SPEG: variants seen among roughly 807,000 people sequenced by gnomAD.
The protein encoded by SPEG is striated muscle enriched protein kinase.
In SPEG, 114 loss-of-function variants were observed where a neutral mutation model predicts 300.4. The observed-to-expected ratio is 0.38, with a 90% CI of 0.33 to 0.44. SPEG has a LOEUF of 0.44. SPEG is among the 20% of genes least tolerant of loss of function. The probability of loss-of-function intolerance (pLI) is 1.00; values close to 1 mark genes in which losing one functional copy is unlikely to be tolerated. For synonymous variants in SPEG, 1,964 were observed against 2,018.9 expected (o/e 0.97, Z 0.73); for missense variants, 4,201 against 4,586.2 (o/e 0.92, Z 2.43).
At position 219,467,379 on chromosome 2, in the gene SPEG, A is replaced by G. The variant is rs1450825809; in HGVS notation, c.3087A>G (p.Thr1029=). 5 of 1,612,258 alleles carry G rather than the reference A, an allele frequency of 3.1e-6. No individual in the cohort carries two copies. The highest frequency in any genetic ancestry group is 3.4e-6 in the Non-Finnish European group (4 of 1,179,936). Residue 1029 remains threonine, a synonymous_variant, in exon 10 of 41, where the codon ACA becomes ACG. Coordinates refer to ENST00000312358, the MANE Select transcript of SPEG (RefSeq NM_005876.5). ...FDGRKCKLLL[T]SVHEDDSGVY... is the part of the protein sequence containing the mutation. The stretch of plus-strand genomic sequence containing the variant: ...GCCGCAAATGCAAGCTGCTACTTAC[A>G]TCTGTACATGAGGACGACAGTGGCG...
In SPEG at chr2:219,451,102, T is replaced by C; in HGVS notation, c.2114-34T>C. 1 of 1,578,690 alleles carries C rather than the reference T, an allele frequency of 6.3e-7. No individual in the cohort carries two copies. Among genetic ancestry groups the C allele is most frequent in the Non-Finnish European group, 8.6e-7 (1 of 1,163,906 alleles). Reference sequence around the variant, plus strand: ...CCCGCTGTCATCCCTGCAGGGATCATGGCCCCTTACCCCGTTATTCCTGTG... The same window carrying C: ...CCCGCTGTCATCCCTGCAGGGATCACGGCCCCTTACCCCGTTATTCCTGTG... On this transcript the variant is annotated intron_variant, in intron 4 of 40. Transcript: ENST00000312358. The surrounding 1 kb of genome is among the most constrained non-coding windows in gnomAD (Gnocchi z 6.4).
rs749692995 is a variant in SPEG at position 219,451,849 on chromosome 2, G to A, written c.2440+42G>A. The A allele has an allele frequency of 1.3e-5, 19 of 1,485,472 alleles. No homozygotes were observed. The East Asian group carries it at 1.8e-4, about 14-fold the overall frequency. 92.0% of individuals were successfully genotyped at this position (1,485,472 alleles called of 1,614,324 possible). ...CCCTGGGGCTGGGTGGGGGCAAGCC[G>A]TGACTCTCCCCTGGCCCAGGCCCCA... On this transcript the variant is annotated intron_variant, in intron 6 of 40. Transcript: ENST00000312358. This position sits in a 1 kb window ranked among gnomAD's most constrained non-coding sequence, Gnocchi z 6.4.
Position 219,468,700 on chromosome 2 carries a change from G to C in SPEG, c.3265G>C (p.Gly1089Arg), listed in dbSNP as rs1005703610. ...RAARFDCKISGTPPPVVTWTH... is the reference protein window; with the variant it reads ...RAARFDCKISRTPPPVVTWTH... ...TGCCCGTTTCGACTGCAAGATCAGT[G>C]GCACCCCGCCCCCTGTTGTTACCTG... Residue 1089 changes from glycine to arginine, a missense_variant, in exon 11 of 41, where the codon GGC becomes CGC. Physicochemically the swap from Gly to Arg is moderately radical, Grantham distance 125. Coordinates refer to ENST00000312358, the MANE Select transcript of SPEG (RefSeq NM_005876.5). The C allele has an allele frequency of 6.2e-7, 1 of 1,614,006 alleles. No homozygotes were observed. Among genetic ancestry groups the C allele is most frequent in the Non-Finnish European group, 8.5e-7 (1 of 1,180,004 alleles).
Position 219,477,120 on chromosome 2 carries a change from G to A in SPEG, c.4560+138G>A. The A allele has an allele frequency of 1.0e-6, 1 of 996,564 alleles. No individual in the cohort carries two copies. Among genetic ancestry groups the A allele is most frequent in the Non-Finnish European group, 1.5e-6 (1 of 686,528 alleles). 61.7% of individuals were successfully genotyped at this position (996,564 alleles called of 1,614,324 possible). ...AGGAGGAAAGGGGCTGCAGAGGACTGACTAGCTGAGGGGTGCAGGGCTTTC... is the reference window on the plus strand; with the variant it reads ...AGGAGGAAAGGGGCTGCAGAGGACTAACTAGCTGAGGGGTGCAGGGCTTTC... On this transcript the variant is annotated intron_variant, in intron 19 of 40. Transcript: ENST00000312358. The surrounding 1 kb of genome is among the most constrained non-coding windows in gnomAD (Gnocchi z 6.4).
At position 219,469,198 on chromosome 2, in the gene SPEG, G is replaced by T; in HGVS notation, c.3534G>T (p.Glu1178Asp). 2 of 1,613,694 alleles carry T rather than the reference G, an allele frequency of 1.2e-6. No individual in the cohort carries two copies. The highest frequency in any genetic ancestry group is 1.7e-6 in the Non-Finnish European group (2 of 1,179,790). Residue 1178 changes from glutamate to aspartate, a missense_variant, in exon 13 of 41, where the codon GAG becomes GAT. By Grantham distance (45) the Glu-to-Asp change is conservative. Coordinates refer to ENST00000312358, the MANE Select transcript of SPEG (RefSeq NM_005876.5). ...EKMPSIPEEP[E>D]QGELERLSIP... ...TGCCATCCATTCCCGAGGAGCCAGAGCAGGGTGAGCTGGAGCGGCTGTCCA... is the reference window on the plus strand; with the variant it reads ...TGCCATCCATTCCCGAGGAGCCAGATCAGGGTGAGCTGGAGCGGCTGTCCA...
chr2:219,464,121 T>TAA lies in SPEG; in HGVS notation c.2706-297_2706-296dup, dbSNP rs113435783. Among the ~76,000 whole-genome samples, 29 of 130,422 alleles carry TAA rather than the reference T, an allele frequency of 2.2e-4. No individual in the cohort carries two copies. The highest frequency in any genetic ancestry group is 7.8e-4 in the African/African-American group (28 of 35,766). The allele number at this position is 130,422 out of a possible 152,430, so 85.6% of individuals were successfully genotyped here. ...CTGGGTGACAGAGGGAAACCCTGTT[T>TAA]AAAAAAAAAAAAAAAAGACAAGAAA... On this transcript the variant is annotated intron_variant, in intron 8 of 40. Coordinates refer to ENST00000312358, the MANE Select transcript of SPEG (RefSeq NM_005876.5). This position sits in a 1 kb window ranked among gnomAD's most constrained non-coding sequence, Gnocchi z 4.5.
At chr2:219,471,726 G>T in intron 13 of SPEG, 142 bp from the exon 14 acceptor site, 1 of 1,001,630 alleles carries the variant, frequency 1.0e-6, no homozygotes, top group South Asian at 1.6e-5. Context: ...CTTGCTGCCT[G>T]CCCCATCCTT....
chr2:219,437,488 GCT>G (rs1954749052), intron 1 of SPEG, among the ~76,000 whole-genome samples: 1 of 152,216 alleles, frequency 6.6e-6, no homozygotes, highest in Non-Finnish European at 1.5e-5. Flanking sequence ...GGCTTGAGAG[GCT>G]TGGGGTAAGA....
At position 219,444,577 on chromosome 2, in the gene SPEG, G is replaced by C; in HGVS notation, c.389-76G>C. On this transcript the variant is annotated intron_variant, in intron 1 of 40. Transcript: ENST00000312358. This position sits in a 1 kb window ranked among gnomAD's most constrained non-coding sequence, Gnocchi z 7.8. ...ATAAGATGGAGCCTGCTGTTGGCAG[G>C]GAGGCAGAAGGCAATAGGGAAGAGT... 7.9e-7 allele frequency: 1 copy of C among 1,260,126 alleles called. No individual in the cohort carries two copies. Among genetic ancestry groups the C allele is most frequent in the Non-Finnish European group, 1.2e-6 (1 of 866,316 alleles). The allele number at this position is 1,260,126 out of a possible 1,614,324, so 78.1% of individuals were successfully genotyped here.
At chr2:219,438,345 C>T (rs1224793146) in intron 1 of SPEG, among the ~76,000 whole-genome samples, 1 of 152,100 alleles carries the variant, frequency 6.6e-6, no homozygotes, top group African/African-American at 2.4e-5. Flanking sequence ...ACCTAAGTTC[C>T]CATGGCTAGT....
intron 29 of SPEG, 50 bp downstream of exon 29, chr2:219,482,902 A>G (rs774060211): frequency 6.4e-7 from 1 of 1,573,290 alleles, no homozygotes; most frequent in East Asian, 2.2e-5. Flanking sequence ...CCTTTTCTCT[A>G]GCACTGCCTT....
At chr2:219,486,998 C>A (rs557015522) in intron 31 of SPEG, among the ~76,000 whole-genome samples, 2 of 152,210 alleles carry the variant, frequency 1.3e-5, no homozygotes, top group South Asian at 4.1e-4. Flanking sequence ...CCTGGCTCAT[C>A]CCCACTCCCA....
chr2:219,458,404 T>G lies in SPEG; in HGVS notation c.2441-3478T>G, dbSNP rs1211704233. Among the ~76,000 whole-genome samples, 2 of 152,036 alleles carry G rather than the reference T, an allele frequency of 1.3e-5. No individual in the cohort carries two copies. Among genetic ancestry groups the G allele is most frequent in the Non-Finnish European group, 2.9e-5 (2 of 68,006 alleles). On this transcript the variant is annotated intron_variant, in intron 6 of 40. Transcript: ENST00000312358. The surrounding 1 kb of genome is among the most constrained non-coding windows in gnomAD (Gnocchi z 4.2). ...TGTTAGAAATGCAGTTTCTTTTTTT[T>G]TTTTTCCCAATAAGCGTTTTGCACT...
rs147228436 is a variant in SPEG at position 219,489,218 on chromosome 2, C to G, written c.8314C>G (p.Gln2772Glu). 1.0e-4 allele frequency: 162 copies of G among 1,613,854 alleles called. No individual in the cohort carries two copies. Among genetic ancestry groups the G allele is most frequent in the Middle Eastern group, 9.9e-4 (6 of 6,058 alleles). ...TGAGAAGGTCTTTGTCAGGGGTACT[C>G]AAGGTCAGTGCAATGGTATGGGGTG... The part of the protein sequence containing the change: ...SSEKVFVRGT[Q>E]DSSAVPSAAH... The change falls in exon 35 of 41, where the codon CAA becomes GAA. Residue 2772 changes from glutamine (Q) to glutamate (E), a missense_variant. By Grantham distance (29) the Gln-to-Glu change is conservative (BLOSUM62 2). This residue lies in a region of SPEG where 1,578 missense variants were observed against 1,506.0 expected (regional missense o/e 1.05). Transcript: ENST00000312358.
intron 15 of SPEG, among the ~76,000 whole-genome samples, chr2:219,472,616 C>A (rs549205273): frequency 6.6e-6 from 1 of 152,286 alleles, no homozygotes; most frequent in South Asian, 2.1e-4. Context: ...CCAGGATCTC[C>A]TCCCGCTCTG....
Position 219,477,570 on chromosome 2 carries a change from G to C in SPEG, c.4730-119G>C, listed in dbSNP as rs192417796. 7.4e-7 allele frequency: 1 copy of C among 1,355,906 alleles called. No homozygotes were observed. The highest frequency in any genetic ancestry group is 1.0e-6 in the Non-Finnish European group (1 of 999,542). The allele number at this position is 1,355,906 out of a possible 1,614,324, so 84.0% of individuals were successfully genotyped here. ...CACCACACCCCCAGCCCAGCACCCC[G>C]CCTTGAGCCCCCAACATTCTTGCAC... On this transcript the variant is annotated intron_variant, in intron 20 of 40. Transcript: ENST00000312358. This position sits in a 1 kb window ranked among gnomAD's most constrained non-coding sequence, Gnocchi z 6.4.
chr2:219,477,121 A>C lies in SPEG; in HGVS notation c.4560+139A>C. The C allele has an allele frequency of 2.0e-6, 2 of 997,830 alleles. No individual in the cohort carries two copies. The highest frequency in any genetic ancestry group is 3.2e-5 in the South Asian group (2 of 61,668). 61.8% of individuals were successfully genotyped at this position (997,830 alleles called of 1,614,324 possible). A position where few individuals can be genotyped will look rare whatever the true frequency, so the allele number is the denominator to read the frequency against. ...GGAGGAAAGGGGCTGCAGAGGACTG[A>C]CTAGCTGAGGGGTGCAGGGCTTTCT... On this transcript the variant is annotated intron_variant, in intron 19 of 40. Coordinates refer to ENST00000312358, the MANE Select transcript of SPEG (RefSeq NM_005876.5). The surrounding 1 kb of genome is among the most constrained non-coding windows in gnomAD (Gnocchi z 6.4).
Position 219,473,151 on chromosome 2 carries a change from G to C in SPEG, c.4147+55G>C. 1 of 1,527,574 alleles carries C rather than the reference G, an allele frequency of 6.5e-7. No homozygotes were observed. The highest frequency in any genetic ancestry group is 8.9e-7 in the Non-Finnish European group (1 of 1,120,422). The allele number at this position is 1,527,574 out of a possible 1,614,324, so 94.6% of individuals were successfully genotyped here. On this transcript the variant is annotated intron_variant, in intron 16 of 40. Coordinates refer to ENST00000312358, the MANE Select transcript of SPEG (RefSeq NM_005876.5). This position sits in a 1 kb window ranked among gnomAD's most constrained non-coding sequence, Gnocchi z 4.6. The stretch of plus-strand genomic sequence containing the variant: ...GTGGGAGCTGCTGGGATGGGGAATG[G>C]GGGCCCTGTGGTGGAGGCTCAAGGG...
At chr2:219,442,015 C>T (rs1688953116) in intron 1 of SPEG, 1 of 802,194 alleles carries the variant, frequency 1.2e-6, no homozygotes, top group Non-Finnish European at 1.7e-6. Context: ...CCCGTCCCCT[C>T]CTCGCCCGGC....
Sources: gnomAD v4.1 joint callset for allele counts (sites outside exome capture counted in the v4.1 genomes callset) on GRCh38, gnomAD v4.1.1 for gene constraint, gnomAD v4.1.1 regional missense constraint, Gnocchi (gnomAD v3.1) non-coding constraint, MANE v1.5 for transcripts, NCBI Gene and HGNC (gene_info 2026-07-23, HGNC 2026-07-21) for gene names.